NALF1: variants seen among roughly 807,000 people sequenced by gnomAD.
NALF1 encodes the protein NALCN channel auxiliary factor 1.
A neutral mutation model predicts 48.4 loss-of-function variants in NALF1; 3 were observed. The observed-to-expected ratio is 0.06, with a 90% confidence interval of 0.03 to 0.16. The LOEUF (loss-of-function observed/expected upper bound fraction) is 0.16. Ranked by LOEUF, NALF1 falls within the 10% of genes least tolerant of loss-of-function variation. The pLI is 1.00. For synonymous variants in NALF1, 262 were observed against 245.7 expected, an observed-to-expected ratio of 1.07 and a Z score of -0.62; for missense variants, 526 against 571.5, an observed-to-expected ratio of 0.92 and a Z score of 0.81.
At chr13:107,246,760 A>G (rs1396329636) in intron 1 of NALF1, among the ~76,000 whole-genome samples, 1 of 152,180 alleles carries the variant, frequency 6.6e-6, no homozygotes, top group Non-Finnish European at 1.5e-5. Context: ...AATATGCCAC[A>G]TTGAGGATTG....
intron 1 of NALF1, among the ~76,000 whole-genome samples, chr13:107,568,479 ATTGGGTTGTATGGTATGT>A (rs1877883147): frequency 6.6e-6 from 1 of 152,192 alleles, no homozygotes; most frequent in Non-Finnish European, 1.5e-5. Context: ...GAGTGCAATT[ATTGGGTTGTATGGTATGT>A]CCATTTTTAG....
chr13:107,307,395 A>G (rs1261584186), intron 1 of NALF1, among the ~76,000 whole-genome samples: 1 of 152,220 alleles, frequency 6.6e-6, no homozygotes, highest in Non-Finnish European at 1.5e-5. Context: ...TCCCTGAATT[A>G]GGCAGAAAAA....
chr13:107,167,630 C>T lies in NALF1; in HGVS notation c.*2867G>A, dbSNP rs1878689809. On this transcript the variant is annotated 3_prime_UTR_variant, in exon 3 of 3. Transcript: ENST00000375915. ...GCCAGAATTAGAGACTATTCCAATGCTGGCTGACTTGATGGGGAGAAAGGA... is the reference window on the plus strand; with the variant it reads ...GCCAGAATTAGAGACTATTCCAATGTTGGCTGACTTGATGGGGAGAAAGGA... 1 of 152,214 alleles carries T rather than the reference C, an allele frequency of 6.6e-6. No individual in the cohort carries two copies. The highest frequency in any genetic ancestry group is 6.5e-5 in the Admixed American group (1 of 15,282). The allele number at this position is 152,214 out of a possible 1,614,324, so 9.4% of individuals were successfully genotyped here. A position where few individuals can be genotyped will look rare whatever the true frequency, so the allele number is the denominator to read the frequency against.
chr13:107,403,001 G>A (rs1883835185), intron 1 of NALF1, among the ~76,000 whole-genome samples: 1 of 151,976 alleles, frequency 6.6e-6, no homozygotes, highest in Admixed American at 6.6e-5. Context: ...CCAGGACTCT[G>A]TAAGAATTGT....
intron 1 of NALF1, among the ~76,000 whole-genome samples, chr13:107,674,206 A>G (rs1316554704): frequency 2.0e-5 from 3 of 152,114 alleles, no homozygotes; most frequent in Admixed American, 2.0e-4. Flanking sequence ...GTTCTCTGCT[A>G]GCCTACTGTC....
In NALF1 at chr13:107,169,906, G is replaced by GTGT. The variant is rs1319903619; in HGVS notation, c.*588_*590dup. The GTGT allele has an allele frequency of 6.5e-6, 1 of 152,762 alleles. No individual in the cohort carries two copies. Among genetic ancestry groups the GTGT allele is most frequent in the African/African-American group, 2.4e-5 (1 of 41,462 alleles). The allele number at this position is 152,762 out of a possible 1,614,324, so 9.5% of individuals were successfully genotyped here. On this transcript the variant is annotated 3_prime_UTR_variant, in exon 3 of 3. Coordinates refer to ENST00000375915, the MANE Select transcript of NALF1 (RefSeq NM_001080396.3). Reference sequence around the variant, plus strand: ...CGAGGGAAAGGAAAGGCCGGGAAGGGTGTTGTTGGTTCTGTGGGTAGAAGG... The same window carrying GTGT: ...CGAGGGAAAGGAAAGGCCGGGAAGGGTGTTGTTGTTGGTTCTGTGGGTAGAAGG...
rs571864742 is a variant in NALF1 at position 107,578,358 on chromosome 13, G to C, written c.915+287324C>G. On this transcript the variant is annotated intron_variant, in intron 1 of 2. Transcript: ENST00000375915. ...TGTTGAAATAAATTTACTCATTTTG[G>C]ACTAGTCCTTTTGATGTGTGTCAAA... 1.4e-4 allele frequency among the ~76,000 whole-genome samples: 22 copies of C among 152,094 alleles called. 1 individual carries two copies. The South Asian group carries it at 4.4e-3, about 30-fold the overall frequency.
At chr13:107,236,713 CTATCTATCTATCTATCTAT>C (rs1365848005) in intron 1 of NALF1, among the ~76,000 whole-genome samples, 1 of 150,078 alleles carries the variant, frequency 6.7e-6, no homozygotes, top group African/African-American at 2.5e-5. Context: ...ATCTATCTAT[CTATCTATCTATCTATCTAT>C]CTATCATCTA....
chr13:107,612,975 T>G (rs1250257072), intron 1 of NALF1, among the ~76,000 whole-genome samples: 6 of 150,392 alleles, frequency 4.0e-5, no homozygotes, highest in Admixed American at 2.0e-4. Context: ...AATTTATGGG[T>G]TTTTTTGGGT....
intron 1 of NALF1, among the ~76,000 whole-genome samples, chr13:107,665,839 C>T (rs1880845201): frequency 6.6e-6 from 1 of 152,072 alleles, no homozygotes; most frequent in African/African-American, 2.4e-5. Flanking sequence ...ACATGAGCTC[C>T]ATCAAGGTCA....
At chr13:107,262,311 A>G (rs1880943312) in intron 1 of NALF1, among the ~76,000 whole-genome samples, 1 of 152,178 alleles carries the variant, frequency 6.6e-6, no homozygotes. Context: ...GCTACTCAGG[A>G]GGCTGAGACA....
intron 1 of NALF1, among the ~76,000 whole-genome samples, chr13:107,482,594 G>A (rs961649584): frequency 1.3e-5 from 2 of 152,120 alleles, no homozygotes; most frequent in African/African-American, 4.8e-5. Flanking sequence ...GAACACATGA[G>A]AAATAAACAT....
rs548750416 is a variant in NALF1, at chr13:107,783,818, C to T, written c.915+81864G>A. Among the ~76,000 whole-genome samples, 12 of 150,666 alleles carry T rather than the reference C, an allele frequency of 8.0e-5. No homozygotes were observed. In the South Asian group the frequency reaches 2.5e-3, roughly 32 times the overall value. On this transcript the variant is annotated intron_variant, in intron 1 of 2. Coordinates refer to ENST00000375915, the MANE Select transcript of NALF1 (RefSeq NM_001080396.3). ...TTCCCTCCACTATTGTCCTATGACC[C>T]TGCCAAATCCCTCTCTGTGAGAAAC...
intron 1 of NALF1, among the ~76,000 whole-genome samples, chr13:107,702,722 A>AG (rs1881852979): frequency 6.6e-6 from 1 of 151,986 alleles, no homozygotes; most frequent in Non-Finnish European, 1.5e-5. Flanking sequence ...AACAGGCCCC[A>AG]GTGTGCGTTT....
At chr13:107,516,847 T>C (rs1200027505) in intron 1 of NALF1, among the ~76,000 whole-genome samples, 2 of 152,206 alleles carry the variant, frequency 1.3e-5, no homozygotes, top group South Asian at 2.1e-4. Flanking sequence ...AGTTTGTGGT[T>C]TGTCAATTTG....
At chr13:107,805,678 T>G (rs901674974) in intron 1 of NALF1, among the ~76,000 whole-genome samples, 1 of 152,232 alleles carries the variant, frequency 6.6e-6, no homozygotes, top group African/African-American at 2.4e-5. Flanking sequence ...GATGCTTTAT[T>G]TAATCCTATG....
chr13:107,441,219 A>G (rs1005147928), intron 1 of NALF1, among the ~76,000 whole-genome samples: 2 of 152,224 alleles, frequency 1.3e-5, no homozygotes, highest in African/African-American at 4.8e-5. Context: ...CAAGATTGAT[A>G]TATTTCACTG....
intron 1 of NALF1, among the ~76,000 whole-genome samples, chr13:107,249,735 T>C (rs185349208): frequency 5.9e-5 from 9 of 152,314 alleles, no homozygotes; most frequent in African/African-American, 2.2e-4. Context: ...AAACACATCA[T>C]TAGTAAATCA....
At chr13:107,783,722 AC>A (rs1221644347) in intron 1 of NALF1, among the ~76,000 whole-genome samples, 1 of 151,858 alleles carries the variant, frequency 6.6e-6, no homozygotes, top group African/African-American at 2.4e-5. Context: ...GGACACAAAC[AC>A]TGCGGAAGGC....
Sources: allele counts gnomAD v4.1 joint callset (sites outside exome capture counted in the v4.1 genomes callset), GRCh38; gene constraint gnomAD v4.1.1; transcripts MANE v1.5; gene names NCBI Gene and HGNC (gene_info 2026-07-23, HGNC 2026-07-21).